The following ADAM22 variants were observed in gnomAD, a reference collection of about 807,000 sequenced individuals.
ADAM22 encodes the protein ADAM metallopeptidase domain 22, also known as disintegrin and metalloproteinase domain-containing protein 22.
ADAM22 carries 65 observed loss-of-function variants against 144.6 expected under a neutral mutation model. That is an observed-to-expected ratio of 0.45 (90% CI 0.37 to 0.55). The LOEUF is 0.55. Among genes scored for constraint, ADAM22 ranks in the 20% least tolerant of loss-of-function variants. ADAM22 has a pLI of 0.00. For missense variants in ADAM22, 974 were observed against 1,184.9 expected, an observed-to-expected ratio of 0.82 and a Z score of 2.61; for synonymous variants, 391 against 412.6, an observed-to-expected ratio of 0.95 and a Z score of 0.63.
At chr7:88,193,872 G>A (rs746056564) in intron 31 of ADAM22, among the ~76,000 whole-genome samples, 4 of 152,160 alleles carry the variant, frequency 2.6e-5, no homozygotes, top group Non-Finnish European at 5.9e-5. Flanking sequence ...AGGTAAACGT[G>A]GATCATTCAA....
At chr7:88,085,633 A>G (rs1018221832) in intron 4 of ADAM22, among the ~76,000 whole-genome samples, 5 of 152,246 alleles carry the variant, frequency 3.3e-5, no homozygotes, top group African/African-American at 1.2e-4. Flanking sequence ...CAACTGACAC[A>G]GAAATTCACA....
intron 30 of ADAM22, among the ~76,000 whole-genome samples, chr7:88,188,934 T>C (rs1310174589): frequency 1.3e-5 from 2 of 152,188 alleles, no homozygotes; most frequent in African/African-American, 2.4e-5. Flanking sequence ...GCTCAAGCAA[T>C]CCACCTGCCT....
intron 2 of ADAM22, among the ~76,000 whole-genome samples, chr7:87,971,903 C>A (rs1048017165): frequency 6.6e-6 from 1 of 152,140 alleles, no homozygotes; most frequent in Admixed American, 6.5e-5. Flanking sequence ...AAGAAGCAAC[C>A]ATATTGGCCG....
intron 25 of ADAM22, 29 bp from the exon 26 acceptor site, chr7:88,171,515 T>C: frequency 8.2e-6 from 13 of 1,582,142 alleles, no homozygotes; most frequent in Non-Finnish European, 1.0e-5. Context: ...CTTATGTTTT[T>C]CCCTCTTTCT....
chr7:88,033,449 A>G (rs938799507), intron 3 of ADAM22, among the ~76,000 whole-genome samples: 7 of 152,224 alleles, frequency 4.6e-5, no homozygotes, highest in Non-Finnish European at 8.8e-5. Context: ...GGGTGACACA[A>G]TCACCCATGT....
intron 2 of ADAM22, among the ~76,000 whole-genome samples, chr7:87,942,743 T>C (rs1842716760): frequency 6.6e-6 from 1 of 152,188 alleles, no homozygotes; most frequent in African/African-American, 2.4e-5. Context: ...TGTAGATATG[T>C]ACACTCTCTG....
At chr7:88,161,675 A>G (rs1563360780) in intron 22 of ADAM22, among the ~76,000 whole-genome samples, 1 of 152,194 alleles carries the variant, frequency 6.6e-6, no homozygotes, top group Non-Finnish European at 1.5e-5. Context: ...TTTTCAAAAG[A>G]AGACATCCAT....
At chr7:88,161,305 A>T (rs192862819) in intron 22 of ADAM22, among the ~76,000 whole-genome samples, 2 of 152,080 alleles carry the variant, frequency 1.3e-5, no homozygotes, top group African/African-American at 4.8e-5. Flanking sequence ...CTTACACCAT[A>T]TACAAAAATA....
chr7:87,990,643 A>G (rs1323465430), intron 3 of ADAM22, among the ~76,000 whole-genome samples: 1 of 151,992 alleles, frequency 6.6e-6, no homozygotes, highest in Non-Finnish European at 1.5e-5. Flanking sequence ...CCTAAACAAA[A>G]GGTACATTTA....
intron 2 of ADAM22, among the ~76,000 whole-genome samples, chr7:87,958,859 T>C (rs563805020): frequency 2.6e-4 from 40 of 152,320 alleles, no homozygotes; most frequent in African/African-American, 8.9e-4. Flanking sequence ...TTCTTGTCGA[T>C]TTTTGGCATT....
chr7:87,963,240 T>C (rs2129445587), intron 2 of ADAM22, among the ~76,000 whole-genome samples: 1 of 152,200 alleles, frequency 6.6e-6, no homozygotes, highest in Admixed American at 6.5e-5. Flanking sequence ...TTGCTAAGGA[T>C]GGCCCTTCAG....
intron 3 of ADAM22, among the ~76,000 whole-genome samples, chr7:88,070,856 A>G (rs918983234): frequency 2.0e-5 from 3 of 152,200 alleles, no homozygotes; most frequent in Admixed American, 6.6e-5. Context: ...CAGTGAATAC[A>G]GAAGTGAGAT....
chr7:88,108,140 G>A, intron 4 of ADAM22, 36 bp from the exon 5 acceptor site: 1 of 1,569,912 alleles, frequency 6.4e-7, no homozygotes, highest in East Asian at 2.2e-5. Context: ...TTCTCCTTGT[G>A]ATGCAAAGAC....
chr7:88,092,390 C>T (rs2237540), intron 4 of ADAM22, among the ~76,000 whole-genome samples: 84,299 of 151,800 alleles, frequency 0.56, 24,457 homozygotes, highest in East Asian at 0.88. Context: ...TGTTTATTTC[C>T]TCCTCACATG....
chr7:88,100,979 G>C (rs1011930182), intron 4 of ADAM22, among the ~76,000 whole-genome samples: 6 of 150,840 alleles, frequency 4.0e-5, no homozygotes, highest in African/African-American at 1.5e-4. Context: ...CAATGTGTCA[G>C]GACAGTGTAT....
intron 2 of ADAM22, among the ~76,000 whole-genome samples, chr7:87,960,375 G>GGTGTGTGTGTGT (rs71120011): frequency 6.7e-6 from 1 of 149,282 alleles, no homozygotes; most frequent in Non-Finnish European, 1.5e-5. Context: ...GTGGTAGTGG[G>GGTGTGTGTGTGT]GTGTGTGTGT....
chr7:87,972,497 G>A (rs1850705841), intron 2 of ADAM22, among the ~76,000 whole-genome samples: 1 of 152,082 alleles, frequency 6.6e-6, no homozygotes, highest in Non-Finnish European at 1.5e-5. Context: ...TCGTGAAAAT[G>A]GCCATACTGC....
chr7:88,151,345 A>G, intron 20 of ADAM22, 25 bp downstream of exon 20: 1 of 1,613,544 alleles, frequency 6.2e-7, no homozygotes, highest in South Asian at 1.1e-5. Context: ...TGGCTTGATC[A>G]TTGTTAAAGC....
At chr7:88,181,640 T>G in intron 28 of ADAM22, 35 bp downstream of exon 28, 1 of 1,558,998 alleles carries the variant, frequency 6.4e-7, no homozygotes, top group Non-Finnish European at 8.8e-7. Context: ...TCTGTCCACA[T>G]AATCAAGTTC....
Sources: allele counts gnomAD v4.1 joint callset (sites outside exome capture counted in the v4.1 genomes callset), GRCh38; gene constraint gnomAD v4.1.1; transcripts MANE v1.5; gene names NCBI Gene and HGNC (gene_info 2026-07-23, HGNC 2026-07-21).